ARB2A: variants seen among roughly 807,000 people sequenced by gnomAD.
ARB2A encodes the protein cotranscriptional regulator ARB2A.
At chr5:93,795,232 G>A in the ARB2A span, among the ~76,000 whole-genome samples, 1 of 152,114 alleles carries the variant, frequency 6.6e-6, no homozygotes, top group Non-Finnish European at 1.5e-5. Context: ...GGAAAGTGGG[G>A]GAAAGCTGGC....
the ARB2A span, among the ~76,000 whole-genome samples, chr5:93,949,364 C>T: frequency 1.3e-5 from 2 of 151,976 alleles, no homozygotes; most frequent in Admixed American, 6.5e-5. Flanking sequence ...AGATCAAGAC[C>T]ATCCTGGCCA....
the ARB2A span, among the ~76,000 whole-genome samples, chr5:93,719,416 C>CTATATGACTA: frequency 1.3e-5 from 2 of 152,136 alleles, no homozygotes; most frequent in East Asian, 1.9e-4. Context: ...GGCCCGAAGC[C>CTATATGACTA]ACATATAGGT....
At chr5:93,802,263 T>C in the ARB2A span, among the ~76,000 whole-genome samples, 1 of 152,054 alleles carries the variant, frequency 6.6e-6, no homozygotes, top group Non-Finnish European at 1.5e-5. Flanking sequence ...GTCAGTTTCT[T>C]GTTTTGTGAA....
the ARB2A span, among the ~76,000 whole-genome samples, chr5:93,983,282 C>T: frequency 5.3e-5 from 8 of 150,890 alleles, no homozygotes; most frequent in Non-Finnish European, 8.8e-5. Context: ...AGAAAAGGCT[C>T]ATTCAAGACC....
the ARB2A span, among the ~76,000 whole-genome samples, chr5:94,012,847 G>A: frequency 6.6e-6 from 1 of 152,210 alleles, no homozygotes; most frequent in African/African-American, 2.4e-5. Context: ...GGAGACAGGA[G>A]CATCAAGCGC....
the ARB2A span, among the ~76,000 whole-genome samples, chr5:93,773,352 C>T: frequency 2.0e-5 from 3 of 152,230 alleles, no homozygotes; most frequent in East Asian, 5.8e-4. Flanking sequence ...TCCTGATTTC[C>T]AAAGGAAAAC....
At chr5:93,621,169 G>A in the ARB2A span, 8 of 1,549,604 alleles carry the variant, frequency 5.2e-6, no homozygotes, top group South Asian at 1.2e-5. Flanking sequence ...GTGGCCACGC[G>A]GGGCCAGGCG....
At chr5:94,076,861 C>G in the ARB2A span, among the ~76,000 whole-genome samples, 1 of 151,964 alleles carries the variant, frequency 6.6e-6, no homozygotes, top group African/African-American at 2.4e-5. Flanking sequence ...CCAAATTGTC[C>G]GATTTCTGAA....
the ARB2A span, among the ~76,000 whole-genome samples, chr5:93,632,572 G>A: frequency 6.6e-6 from 1 of 152,282 alleles, no homozygotes; most frequent in South Asian, 2.1e-4. Context: ...TTAATCAGGG[G>A]AGAAATATAA....
the ARB2A span, among the ~76,000 whole-genome samples, chr5:93,760,674 G>A: frequency 6.6e-6 from 1 of 152,168 alleles, no homozygotes; most frequent in East Asian, 1.9e-4. Flanking sequence ...TTCAACAAAT[G>A]GTGCTGGGAT....
chr5:93,894,521 G>T, the ARB2A span, among the ~76,000 whole-genome samples: 2 of 152,086 alleles, frequency 1.3e-5, no homozygotes, highest in Non-Finnish European at 2.9e-5. Context: ...AAGTGAAGGA[G>T]GATGAATTTC....
At chr5:93,680,956 T>C in the ARB2A span, among the ~76,000 whole-genome samples, 1 of 152,180 alleles carries the variant, frequency 6.6e-6, no homozygotes. Context: ...GTAATTTCAG[T>C]GGAACACAGT....
chr5:93,741,414 G>A, the ARB2A span: 1 of 1,613,408 alleles, frequency 6.2e-7, no homozygotes, highest in Non-Finnish European at 8.5e-7. Flanking sequence ...TCCCTGGCCT[G>A]ACTGCCGGCC....
chr5:93,974,604 T>C, the ARB2A span, among the ~76,000 whole-genome samples: 1 of 152,116 alleles, frequency 6.6e-6, no homozygotes, highest in Non-Finnish European at 1.5e-5. Flanking sequence ...TTGAACCTAA[T>C]AGACATCTAT....
the ARB2A span, among the ~76,000 whole-genome samples, chr5:93,684,412 A>G: frequency 2.0e-5 from 3 of 152,230 alleles, 1 homozygote; most frequent in South Asian, 6.2e-4. Context: ...AATACAGGCT[A>G]GCTGTTATTA....
chr5:93,677,798 A>G, the ARB2A span, among the ~76,000 whole-genome samples: 1 of 152,320 alleles, frequency 6.6e-6, no homozygotes, highest in Admixed American at 6.5e-5. Context: ...ATTAAACCCT[A>G]CACATCAAAG....
chr5:93,674,088 C>T, the ARB2A span, among the ~76,000 whole-genome samples: 1 of 152,110 alleles, frequency 6.6e-6, no homozygotes, highest in Non-Finnish European at 1.5e-5. Context: ...TCAGACAAGA[C>T]ATATAACACC....
the ARB2A span, among the ~76,000 whole-genome samples, chr5:93,791,535 C>T: frequency 6.6e-6 from 1 of 152,168 alleles, no homozygotes; most frequent in Non-Finnish European, 1.5e-5. Context: ...GTGCTGAGCC[C>T]CTCACAGATG....
the ARB2A span, among the ~76,000 whole-genome samples, chr5:93,758,338 T>C: frequency 6.6e-6 from 1 of 152,150 alleles, no homozygotes; most frequent in African/African-American, 2.4e-5. Context: ...AGACAGGTCA[T>C]CACGACAGAA....
Sources: allele counts gnomAD v4.1 joint callset (sites outside exome capture counted in the v4.1 genomes callset), GRCh38; gene constraint gnomAD v4.1.1; transcripts MANE v1.5; gene names NCBI Gene and HGNC (gene_info 2026-07-23, HGNC 2026-07-21).